The following ARHGAP15 variants were observed in gnomAD, a reference collection of about 807,000 sequenced individuals.
ARHGAP15 encodes Rho GTPase activating protein 15, also known as rho GTPase-activating protein 15.
ARHGAP15 carries 51 observed loss-of-function variants against 63.7 expected under a neutral mutation model. The observed-to-expected ratio is 0.80, with a 90% confidence interval of 0.64 to 1.01. The LOEUF is 1.01. Ranked by LOEUF, ARHGAP15 falls within the 50% of genes least tolerant of loss-of-function variation. The pLI, the probability that ARHGAP15 is intolerant of heterozygous loss-of-function variation, is 0.00. For missense variants in ARHGAP15, 560 were observed against 564.6 expected (o/e 0.99, Z 0.08); for synonymous variants, 191 against 193.8 (o/e 0.99, Z 0.12).
At chr2:143,603,868 A>C (rs1559075292) in intron 11 of ARHGAP15, among the ~76,000 whole-genome samples, 2 of 152,222 alleles carry the variant, frequency 1.3e-5, no homozygotes, top group African/African-American at 4.8e-5. Context: ...AAATTCTAAA[A>C]GAAGAAGAAT....
chr2:143,522,653 G>C (rs1038545772), intron 10 of ARHGAP15, among the ~76,000 whole-genome samples: 3 of 151,990 alleles, frequency 2.0e-5, no homozygotes, highest in African/African-American at 7.2e-5. Context: ...AATTGTCTTG[G>C]GCTACACATA....
At chr2:143,320,304 C>T (rs1365105525) in intron 6 of ARHGAP15, among the ~76,000 whole-genome samples, 1 of 151,884 alleles carries the variant, frequency 6.6e-6, no homozygotes, top group Non-Finnish European at 1.5e-5. Context: ...GTGCACATCT[C>T]TTCTGAACTC....
At chr2:143,576,415 C>T (rs563544436) in intron 11 of ARHGAP15, among the ~76,000 whole-genome samples, 5 of 152,034 alleles carry the variant, frequency 3.3e-5, no homozygotes, top group African/African-American at 1.2e-4. Context: ...TGTGATCCAT[C>T]CATAATGGAT....
intron 9 of ARHGAP15, among the ~76,000 whole-genome samples, chr2:143,509,219 TGTG>T (rs1052711243): frequency 6.6e-6 from 1 of 152,034 alleles, no homozygotes; most frequent in African/African-American, 2.4e-5. Flanking sequence ...TAAATAAACA[TGTG>T]GGGGAAAACT....
At chr2:143,401,879 G>T (rs2104998291) in intron 6 of ARHGAP15, among the ~76,000 whole-genome samples, 1 of 151,958 alleles carries the variant, frequency 6.6e-6, no homozygotes, top group East Asian at 1.9e-4. Context: ...CATTTGTTTT[G>T]CAGATTTGCT....
chr2:143,346,236 T>TCACACACACACACTCA (rs1574310834), intron 6 of ARHGAP15, among the ~76,000 whole-genome samples: 1 of 82,548 alleles, frequency 1.2e-5, no homozygotes, highest in Admixed American at 9.9e-5. Context: ...ACACTCTCTC[T>TCACACACACACACTCA]CACACACACA....
chr2:143,261,714 T>C (rs1028806927), intron 6 of ARHGAP15, among the ~76,000 whole-genome samples: 4 of 152,164 alleles, frequency 2.6e-5, no homozygotes, highest in African/African-American at 9.7e-5. Flanking sequence ...CATATTTGCC[T>C]TCTGGCTTAG....
chr2:143,650,310 TG>T (rs1354224000), intron 12 of ARHGAP15, among the ~76,000 whole-genome samples: 1 of 151,910 alleles, frequency 6.6e-6, no homozygotes, highest in Non-Finnish European at 1.5e-5. Context: ...AAGAGTGGGT[TG>T]GGAAGTGATT....
intron 11 of ARHGAP15, among the ~76,000 whole-genome samples, chr2:143,559,230 TA>T (rs1276531254): frequency 6.6e-6 from 1 of 152,080 alleles, no homozygotes; most frequent in Non-Finnish European, 1.5e-5. Context: ...TTCCTGCCTT[TA>T]AAAAAACTAT....
intron 13 of ARHGAP15, among the ~76,000 whole-genome samples, chr2:143,757,219 A>G (rs1314086739): frequency 6.6e-6 from 1 of 152,150 alleles, no homozygotes; most frequent in Non-Finnish European, 1.5e-5. Flanking sequence ...GAATCAAAAT[A>G]CACACAGAGG....
At chr2:143,410,101 C>A (rs1240545921) in intron 6 of ARHGAP15, among the ~76,000 whole-genome samples, 1 of 151,944 alleles carries the variant, frequency 6.6e-6, no homozygotes. Flanking sequence ...TGGTACACAT[C>A]ATTTTGAAGG....
At chr2:143,539,396 C>A (rs991605742) in intron 10 of ARHGAP15, among the ~76,000 whole-genome samples, 6 of 152,100 alleles carry the variant, frequency 3.9e-5, no homozygotes, top group South Asian at 2.1e-4. Flanking sequence ...CTGCTCTGAT[C>A]TTAGTTATTT....
At chr2:143,728,431 G>T (rs532190933) in intron 13 of ARHGAP15, among the ~76,000 whole-genome samples, 2 of 152,090 alleles carry the variant, frequency 1.3e-5, no homozygotes, top group African/African-American at 4.8e-5. Context: ...TTGGGGTGGG[G>T]TTAGGTGGGA....
intron 4 of ARHGAP15, among the ~76,000 whole-genome samples, chr2:143,218,520 ATG>A (rs1692860540): frequency 6.7e-6 from 1 of 148,638 alleles, no homozygotes; most frequent in Non-Finnish European, 1.5e-5. Flanking sequence ...TTAGCTGTAT[ATG>A]TGGCATTCAA....
intron 2 of ARHGAP15, among the ~76,000 whole-genome samples, chr2:143,167,910 A>G (rs1031501690): frequency 7.2e-5 from 11 of 152,096 alleles, no homozygotes; most frequent in African/African-American, 2.2e-4. Flanking sequence ...GCTTGGCCCT[A>G]AGGACATTTG....
At chr2:143,307,894 C>T (rs1683250380) in intron 6 of ARHGAP15, among the ~76,000 whole-genome samples, 1 of 152,090 alleles carries the variant, frequency 6.6e-6, no homozygotes, top group Non-Finnish European at 1.5e-5. Context: ...TGCATTTATT[C>T]ATGGATTCTT....
At chr2:143,207,924 T>C (rs1282241454) in intron 3 of ARHGAP15, among the ~76,000 whole-genome samples, 1 of 152,142 alleles carries the variant, frequency 6.6e-6, no homozygotes, top group Non-Finnish European at 1.5e-5. Flanking sequence ...AGGACTCACA[T>C]ACTCTTTCTG....
chr2:143,203,707 C>A (rs138182064), intron 3 of ARHGAP15, among the ~76,000 whole-genome samples: 24 of 152,192 alleles, frequency 1.6e-4, no homozygotes, highest in Middle Eastern at 6.8e-3. Context: ...TGGAGAGCCA[C>A]CTCTTTTCAA....
At chr2:143,149,727 G>A (rs1689738386) in intron 1 of ARHGAP15, among the ~76,000 whole-genome samples, 1 of 151,884 alleles carries the variant, frequency 6.6e-6, no homozygotes, top group South Asian at 2.1e-4. Flanking sequence ...TATTAGCAAA[G>A]GTGAGTTACA....
Sources: allele counts gnomAD v4.1 joint callset (sites outside exome capture counted in the v4.1 genomes callset), GRCh38; gene constraint gnomAD v4.1.1; transcripts MANE v1.5; gene names NCBI Gene and HGNC (gene_info 2026-07-23, HGNC 2026-07-21).